The following PIK3C2G variants were observed in gnomAD, a reference collection of about 807,000 sequenced individuals.
PIK3C2G encodes the protein phosphatidylinositol 3-kinase C2 domain-containing subunit gamma.
A neutral mutation model predicts 181.1 loss-of-function variants in PIK3C2G; 168 were observed. The observed-to-expected ratio is 0.93, with a 90% CI of 0.82 to 1.05. The LOEUF is 1.05. PIK3C2G is among the 50% of genes least tolerant of loss of function. The pLI, the probability that PIK3C2G is intolerant of heterozygous loss-of-function variation, is 0.00. For missense variants in PIK3C2G, 1,869 were observed against 1,732.8 expected, an observed-to-expected ratio of 1.08 and a Z score of -1.40; for synonymous variants, 573 against 592.2, an observed-to-expected ratio of 0.97 and a Z score of 0.47.
chr12:18,248,870 C>T (rs567627577), intron 1 of PIK3C2G, among the ~76,000 whole-genome samples: 1 of 152,186 alleles, frequency 6.6e-6, no homozygotes, highest in East Asian at 1.9e-4. Flanking sequence ...ACCCTCTGTA[C>T]TACTTCCAGG....
At chr12:18,481,422 G>A (rs968352108) in intron 18 of PIK3C2G, among the ~76,000 whole-genome samples, 6 of 152,080 alleles carry the variant, frequency 3.9e-5, no homozygotes, top group African/African-American at 1.4e-4. Flanking sequence ...TCCCTCCATA[G>A]CTACCAGCTG....
At chr12:18,725,734 A>G in the PIK3C2G span, among the ~76,000 whole-genome samples, 1 of 152,138 alleles carries the variant, frequency 6.6e-6, no homozygotes, top group Non-Finnish European at 1.5e-5. Context: ...CAGTACAGGT[A>G]CCAAACCATC....
intron 18 of PIK3C2G, among the ~76,000 whole-genome samples, chr12:18,477,845 C>T (rs187145482): frequency 2.6e-5 from 4 of 152,272 alleles, no homozygotes; most frequent in South Asian, 4.1e-4. Context: ...AAGCCAGCTT[C>T]GCCTTGCACC....
At chr12:18,287,367 C>T (rs1409435344) in intron 3 of PIK3C2G, among the ~76,000 whole-genome samples, 2 of 151,992 alleles carry the variant, frequency 1.3e-5, no homozygotes, top group African/African-American at 4.8e-5. Context: ...TGAATAAATA[C>T]GTGTGTGTTA....
intron 24 of PIK3C2G, among the ~76,000 whole-genome samples, chr12:18,534,644 G>A (rs1353817595): frequency 6.6e-6 from 1 of 151,238 alleles, no homozygotes; most frequent in Non-Finnish European, 1.5e-5. Context: ...ATAAAAGGAA[G>A]GTGGACTACT....
the PIK3C2G span, among the ~76,000 whole-genome samples, chr12:18,664,096 A>G: frequency 6.6e-6 from 1 of 152,158 alleles, no homozygotes; most frequent in Non-Finnish European, 1.5e-5. Context: ...AAACCAGACA[A>G]ACAAACAAAG....
At chr12:18,625,774 G>A (rs1949069970) in intron 31 of PIK3C2G, among the ~76,000 whole-genome samples, 1 of 151,732 alleles carries the variant, frequency 6.6e-6, no homozygotes. Context: ...ATTATACAAT[G>A]TCTTTGTCTC....
intron 13 of PIK3C2G, among the ~76,000 whole-genome samples, chr12:18,377,103 A>AT (rs1942502096): frequency 6.6e-6 from 1 of 152,192 alleles, no homozygotes; most frequent in African/African-American, 2.4e-5. Flanking sequence ...CAGCCCAAAG[A>AT]ATTTTATAAC....
chr12:18,678,430 T>TA, the PIK3C2G span, among the ~76,000 whole-genome samples: 1 of 152,082 alleles, frequency 6.6e-6, no homozygotes, highest in Admixed American at 6.6e-5. Flanking sequence ...AGCATATCCC[T>TA]ATTCAACCAT....
intron 10 of PIK3C2G, among the ~76,000 whole-genome samples, chr12:18,344,701 T>A (rs572927094): frequency 6.6e-6 from 1 of 152,242 alleles, no homozygotes; most frequent in East Asian, 1.9e-4. Flanking sequence ...TCATGATAGA[T>A]TTTAATTGAG....
At chr12:18,408,703 C>A (rs1458463765) in intron 16 of PIK3C2G, among the ~76,000 whole-genome samples, 2 of 151,864 alleles carry the variant, frequency 1.3e-5, no homozygotes, top group East Asian at 3.9e-4. Flanking sequence ...AGAACTTAAA[C>A]AAATTTAAAG....
At chr12:18,272,309 T>C (rs983350053) in intron 1 of PIK3C2G, among the ~76,000 whole-genome samples, 1 of 152,144 alleles carries the variant, frequency 6.6e-6, no homozygotes, top group Non-Finnish European at 1.5e-5. Flanking sequence ...CCTTGGTAAT[T>C]AAATCTAGAG....
rs748965379 is a variant in PIK3C2G, at chr12:18,371,305, C to T, written c.1874C>T (p.Pro625Leu). Residue 625 changes from proline to leucine, a missense_variant, in exon 13 of 33, where the codon CCA becomes CTA. Pro to Leu is a moderately conservative substitution (Grantham distance 98). Transcript: ENST00000538779. ...LLAWTCLPLF[P>L]KEKSILGSML... Reference sequence around the variant, plus strand: ...GCGTGGACTTGTCTTCCACTGTTTCCAAAAGAGTAAGTGTATCAATTGTGA... The same window carrying T: ...GCGTGGACTTGTCTTCCACTGTTTCTAAAAGAGTAAGTGTATCAATTGTGA... The T allele has an allele frequency of 3.1e-6, 5 of 1,606,558 alleles. No individual in the cohort carries two copies. The highest frequency in any genetic ancestry group is 4.2e-6 in the Non-Finnish European group (5 of 1,176,778).
the PIK3C2G span, among the ~76,000 whole-genome samples, chr12:18,664,179 G>A: frequency 1.3e-5 from 2 of 152,174 alleles, no homozygotes; most frequent in African/African-American, 2.4e-5. Flanking sequence ...TGGTAGGAAC[G>A]TAAAATGGTA....
At chr12:18,410,869 A>G (rs1944831655) in intron 16 of PIK3C2G, among the ~76,000 whole-genome samples, 2 of 152,222 alleles carry the variant, frequency 1.3e-5, no homozygotes, top group African/African-American at 4.8e-5. Context: ...TTTTAAGATT[A>G]GCTACATGTA....
intron 31 of PIK3C2G, among the ~76,000 whole-genome samples, chr12:18,628,702 A>G (rs1451477080): frequency 5.9e-5 from 9 of 152,222 alleles, no homozygotes; most frequent in African/African-American, 1.4e-4. Flanking sequence ...GTGAATTCTA[A>G]GAAGATCCTA....
chr12:18,404,123 C>G (rs1050802031), intron 16 of PIK3C2G, among the ~76,000 whole-genome samples: 3 of 152,052 alleles, frequency 2.0e-5, no homozygotes, highest in African/African-American at 7.2e-5. Flanking sequence ...AAATTAGGTT[C>G]CTTGGAAAAA....
chr12:18,505,515 A>G (rs1423547584), intron 24 of PIK3C2G, 54 bp downstream of exon 24: 6 of 1,291,244 alleles, frequency 4.6e-6, no homozygotes, highest in Non-Finnish European at 6.3e-6. Context: ...AGCAATATGT[A>G]TAACATGTAA....
intron 16 of PIK3C2G, 44 bp from the exon 17 acceptor site, chr12:18,420,897 T>C (rs1945444770): frequency 1.0e-6 from 1 of 1,003,068 alleles, no homozygotes; most frequent in Non-Finnish European, 1.6e-6. Flanking sequence ...TATGCATTAT[T>C]CCTTACCATT....
Sources: gnomAD v4.1 joint callset for allele counts (sites outside exome capture counted in the v4.1 genomes callset) on GRCh38, gnomAD v4.1.1 for gene constraint, MANE v1.5 for transcripts, NCBI Gene and HGNC (gene_info 2026-07-23, HGNC 2026-07-21) for gene names.